TANC2: variants seen among roughly 807,000 people sequenced by gnomAD.
The protein encoded by TANC2 is tetratricopeptide repeat, ankyrin repeat and coiled-coil containing 2.
TANC2 carries 26 observed loss-of-function variants against 210.5 expected under a neutral mutation model. The observed-to-expected ratio is 0.12, with a 90% CI of 0.09 to 0.17. The LOEUF (loss-of-function observed/expected upper bound fraction) is 0.17, where lower values mean the gene tolerates loss of function less well. Among genes scored for constraint, TANC2 ranks in the 10% least tolerant of loss-of-function variants. TANC2 has a pLI of 1.00. For synonymous variants in TANC2, 931 were observed against 967.1 expected (o/e 0.96, Z 0.69); for missense variants, 2,129 against 2,608.9 (o/e 0.82, Z 4.01).
intron 13 of TANC2, among the ~76,000 whole-genome samples, chr17:63,351,956 G>T (rs1345764073): frequency 6.6e-6 from 1 of 151,986 alleles, no homozygotes; most frequent in African/African-American, 2.4e-5. Context: ...TGTTGTTGTT[G>T]TTGTTTTTTC....
At chr17:63,082,121 A>G (rs1052604137) in intron 3 of TANC2, among the ~76,000 whole-genome samples, 2 of 152,244 alleles carry the variant, frequency 1.3e-5, no homozygotes, top group African/African-American at 4.8e-5. Context: ...CAGTGAGCCA[A>G]GGTCTTGCCA....
intron 21 of TANC2, among the ~76,000 whole-genome samples, chr17:63,409,983 T>C (rs1449225350): frequency 2.0e-5 from 3 of 152,256 alleles, no homozygotes; most frequent in Non-Finnish European, 4.4e-5. Context: ...AATGCTGCAA[T>C]GAGTATTTCC....
At chr17:63,084,251 C>A (rs2036878456) in intron 3 of TANC2, among the ~76,000 whole-genome samples, 1 of 152,070 alleles carries the variant, frequency 6.6e-6, no homozygotes, top group Non-Finnish European at 1.5e-5. Flanking sequence ...TTATCTAGGT[C>A]ATCAAATTGT....
intron 9 of TANC2, chr17:63,305,214 C>T (rs1176239169): frequency 3.3e-5 from 5 of 152,208 alleles, no homozygotes; most frequent in Admixed American, 1.3e-4. Flanking sequence ...TGTGGGCTCA[C>T]GAGTAGGATC....
At chr17:63,255,059 TTTTATTTA>T (rs141802789) in intron 8 of TANC2, among the ~76,000 whole-genome samples, 28,100 of 144,434 alleles carry the variant, frequency 0.19, 2,925 homozygotes, top group Middle Eastern at 0.23. Flanking sequence ...AATAGTTATT[TTTTATTTA>T]TTTATTTATT....
At chr17:63,045,127 T>C (rs2035329401) in intron 2 of TANC2, among the ~76,000 whole-genome samples, 1 of 152,234 alleles carries the variant, frequency 6.6e-6, no homozygotes, top group Non-Finnish European at 1.5e-5. Flanking sequence ...CTCAGTGTTC[T>C]TGAATAGTTT....
chr17:63,356,473 G>A (rs1489244528), intron 14 of TANC2, among the ~76,000 whole-genome samples: 2 of 152,150 alleles, frequency 1.3e-5, no homozygotes, highest in East Asian at 3.8e-4. Flanking sequence ...TCATGCTGGG[G>A]TTTTATTGCC....
intron 1 of TANC2, among the ~76,000 whole-genome samples, chr17:62,973,020 T>A (rs1469387629): frequency 6.6e-6 from 1 of 151,538 alleles, no homozygotes; most frequent in Non-Finnish European, 1.5e-5. Context: ...GTGTATATAG[T>A]AGTTGCCGCA....
chr17:62,987,437 C>T (rs1431112938), intron 1 of TANC2, among the ~76,000 whole-genome samples: 1 of 152,148 alleles, frequency 6.6e-6, no homozygotes, highest in East Asian at 1.9e-4. Flanking sequence ...GAGTGCACAC[C>T]TTGTGCTCCT....
chr17:63,107,242 G>A (rs959940780), intron 4 of TANC2, among the ~76,000 whole-genome samples: 2 of 151,566 alleles, frequency 1.3e-5, no homozygotes, highest in Non-Finnish European at 2.9e-5. Context: ...TGTATAAAAA[G>A]CATTTCCAGG....
At chr17:63,042,372 C>T (rs2035221354) in intron 2 of TANC2, among the ~76,000 whole-genome samples, 1 of 152,000 alleles carries the variant, frequency 6.6e-6, no homozygotes, top group South Asian at 2.1e-4. Flanking sequence ...TTTGTAGTTT[C>T]TGTTCTGTGC....
chr17:63,332,140 G>A (rs2146722244), intron 11 of TANC2: 2 of 348,286 alleles, frequency 5.7e-6, no homozygotes, highest in East Asian at 8.9e-5. Flanking sequence ...AAATCTTTGT[G>A]CTTCTTTAAG....
intron 1 of TANC2, among the ~76,000 whole-genome samples, chr17:63,000,849 G>C (rs1403885789): frequency 6.6e-6 from 1 of 150,930 alleles, no homozygotes; most frequent in East Asian, 2.0e-4. Context: ...ATTATGATCA[G>C]TTTTCTATTG....
chr17:63,256,081 T>G (rs780360226), intron 8 of TANC2, among the ~76,000 whole-genome samples: 9 of 151,930 alleles, frequency 5.9e-5, no homozygotes, highest in Non-Finnish European at 1.3e-4. Flanking sequence ...AATTTTTGTA[T>G]TTTTAGTAGA....
chr17:63,056,024 T>TGC (rs71357048), intron 2 of TANC2, among the ~76,000 whole-genome samples: 3 of 109,004 alleles, frequency 2.8e-5, no homozygotes, highest in South Asian at 3.3e-4. Flanking sequence ...TATATATATA[T>TGC]GCCAGGGGTG....
chr17:63,271,446 T>C (rs1205201701), intron 9 of TANC2, among the ~76,000 whole-genome samples: 1 of 151,766 alleles, frequency 6.6e-6, no homozygotes, highest in Non-Finnish European at 1.5e-5. Flanking sequence ...CTTTTTTTTT[T>C]TTTTTAATTT....
intron 2 of TANC2, among the ~76,000 whole-genome samples, chr17:63,017,425 T>C (rs1314888821): frequency 4.6e-5 from 7 of 152,246 alleles, no homozygotes; most frequent in African/African-American, 1.7e-4. Flanking sequence ...AACTATTTCT[T>C]TAGTTTCATT....
chr17:63,110,648 C>G (rs1019752119), intron 4 of TANC2, among the ~76,000 whole-genome samples: 9 of 152,190 alleles, frequency 5.9e-5, no homozygotes, highest in African/African-American at 2.2e-4. Flanking sequence ...CATAACCTAA[C>G]TCTGTAGCCT....
intron 8 of TANC2, among the ~76,000 whole-genome samples, chr17:63,259,411 G>A (rs1428446550): frequency 6.6e-6 from 1 of 152,068 alleles, no homozygotes; most frequent in African/African-American, 2.4e-5. Context: ...CCTGATTTTT[G>A]GGTCTTATGA....
Sources: allele counts gnomAD v4.1 joint callset (sites outside exome capture counted in the v4.1 genomes callset), GRCh38; gene constraint gnomAD v4.1.1; transcripts MANE v1.5; gene names NCBI Gene and HGNC (gene_info 2026-07-23, HGNC 2026-07-21).